Variants in VPS13C observed in about 807,000 individuals in gnomAD.
The protein encoded by VPS13C is intermembrane lipid transfer protein VPS13C.
VPS13C carries 358 observed loss-of-function variants against 456.8 expected under a neutral mutation model. The ratio of observed to expected loss-of-function variants is 0.78; its 90% CI spans 0.72 to 0.86. The LOEUF (loss-of-function observed/expected upper bound fraction) is 0.86. Among genes scored for constraint, VPS13C ranks in the 40% least tolerant of loss-of-function variants. The probability of loss-of-function intolerance (pLI) is 0.00; values close to 1 mark genes in which losing one functional copy is unlikely to be tolerated. For synonymous variants in VPS13C, 1,578 were observed against 1,486.7 expected (o/e 1.06, Z -1.41); for missense variants, 4,818 against 4,385.4 (o/e 1.10, Z -2.79).
chr15:61,913,197 C>A lies in VPS13C; in HGVS notation c.8550+114G>T, dbSNP rs928842030. 67 of 914,202 alleles carry A rather than the reference C, an allele frequency of 7.3e-5. 1 individual carries two copies. The East Asian group carries it at 1.6e-3, about 22-fold the overall frequency. The allele number at this position is 914,202 out of a possible 1,614,324, so 56.6% of individuals were successfully genotyped here. A position where few individuals can be genotyped will look rare whatever the true frequency, so the allele number is the denominator to read the frequency against. ...CATTACTGGGTATATACCCAAAGGA[C>A]TATAAATCATGCTGCTATAAAGACA... On this transcript the variant is annotated intron_variant, in intron 62 of 84. Coordinates refer to ENST00000644861, the MANE Select transcript of VPS13C (RefSeq NM_020821.3).
rs767939562 is a variant in VPS13C at position 61,890,300 on chromosome 15, G to A, written c.9206C>T (p.Ala3069Val). The change falls in exon 67 of 85, where the codon GCC becomes GTC. Residue 3069 changes from alanine (A) to valine (V), a missense_variant. Physicochemically the swap from Ala to Val is moderately conservative, Grantham distance 64. Transcript: ENST00000644861. ...TGCCTGCAGTGCTTTGGAAACCAAG[G>A]CAACATCATCGGTGAAAAGCAAAAC... Reference protein sequence around the residue: ...QRVLLFTDDVALVSKALQAEE... With the variant: ...QRVLLFTDDVVLVSKALQAEE... The A allele has an allele frequency of 5.0e-6, 8 of 1,614,004 alleles. No homozygotes were observed. Among genetic ancestry groups the A allele is most frequent in the South Asian group, 3.3e-5 (3 of 91,056 alleles).
At chr15:62,032,714 T>G (rs1318002557) in intron 5 of VPS13C, among the ~76,000 whole-genome samples, 1 of 151,790 alleles carries the variant, frequency 6.6e-6, no homozygotes, top group African/African-American at 2.4e-5. Flanking sequence ...CATAAAAATA[T>G]ATACACATGC....
intron 79 of VPS13C, among the ~76,000 whole-genome samples, chr15:61,870,764 T>A (rs1894962674): frequency 6.6e-6 from 1 of 152,158 alleles, no homozygotes; most frequent in Admixed American, 6.5e-5. Context: ...TGTATGAGGG[T>A]TCCAATTTCT....
chr15:62,012,219 C>G, intron 11 of VPS13C, 55 bp from the exon 12 acceptor site: 6 of 781,616 alleles, frequency 7.7e-6, no homozygotes, highest in Non-Finnish European at 1.3e-5. Flanking sequence ...TATTCAGACT[C>G]AGACACACAC....
At chr15:62,024,907 C>T (rs1003043472) in intron 6 of VPS13C, among the ~76,000 whole-genome samples, 7 of 152,190 alleles carry the variant, frequency 4.6e-5, no homozygotes, top group South Asian at 2.1e-4. Flanking sequence ...CTTCACCAGG[C>T]GAACTCCTAG....
chr15:62,023,452 G>T lies in VPS13C; in HGVS notation c.583C>A (p.Gln195Lys), dbSNP rs201593231. 1.1e-4 allele frequency: 180 copies of T among 1,574,436 alleles called. No individual in the cohort carries two copies. Among genetic ancestry groups the T allele is most frequent in the Admixed American group, 6.0e-4 (32 of 53,572 alleles). Residue 195 changes from glutamine (Q) to lysine (K), a missense_variant, in exon 8 of 85, where the codon CAA becomes AAA. Physicochemically the swap from Gln to Lys is moderately conservative, Grantham distance 53. Around this residue, in one of 3 missense-constraint regions of VPS13C, gnomAD observed 4,552 missense variants for 4,130.6 expected, o/e 1.10. Coordinates refer to ENST00000644861, the MANE Select transcript of VPS13C (RefSeq NM_020821.3). ...ATGTGAATATCTGTGATTTTTACTT[G>T]TACATTTTTTATTACTTGAGTTGCC... is the stretch of plus-strand genomic sequence containing the variant. ...KLATQVIKNV[Q>K]VKITDIHIKY...
chr15:61,868,706 T>C lies in VPS13C; in HGVS notation c.10816A>G (p.Ile3606Val). Residue 3606 changes from isoleucine to valine, a missense_variant, in exon 81 of 85, where the codon ATT becomes GTT. By Grantham distance (29) the Ile-to-Val change is conservative (BLOSUM62 3). Transcript: ENST00000644861. ...PPRLIHEDGI[I>V]RPYDRQESEG... The stretch of plus-strand genomic sequence containing the variant: ...GATTCCTGTCTGTCATAAGGACGAA[T>C]GATGCCATCTTCATGGATCAGGCGA... 6.2e-7 allele frequency: 1 copy of C among 1,614,162 alleles called. No homozygotes were observed. Among genetic ancestry groups the C allele is most frequent in the Non-Finnish European group, 8.5e-7 (1 of 1,180,026 alleles).
chr15:62,000,747 T>C, intron 15 of VPS13C, 121 bp from the exon 16 acceptor site: 1 of 691,196 alleles, frequency 1.4e-6, no homozygotes, highest in Non-Finnish European at 2.2e-6. Context: ...ATGAAAGTAT[T>C]AGTATAAATT....
At chr15:61,964,618 C>T in intron 31 of VPS13C, 81 bp downstream of exon 31, 1 of 1,313,532 alleles carries the variant, frequency 7.6e-7, no homozygotes, top group Non-Finnish European at 1.0e-6. Flanking sequence ...ATGACTGAGT[C>T]AGATAGTCTC....
intron 64 of VPS13C, among the ~76,000 whole-genome samples, chr15:61,909,505 C>A (rs2043241036): frequency 6.6e-6 from 1 of 152,194 alleles, no homozygotes; most frequent in African/African-American, 2.4e-5. Context: ...CTGCACCCGG[C>A]CTGTTTCCTT....
chr15:62,044,128 A>G lies in VPS13C; in HGVS notation c.144+84T>C, dbSNP rs28755831. ...GTGATTCCATCACTTTATCTAGTAC[A>G]TGGTATCAGATGCCTAGTAGGCAAA... On this transcript the variant is annotated intron_variant, in intron 2 of 84. Coordinates refer to ENST00000644861, the MANE Select transcript of VPS13C (RefSeq NM_020821.3). 191 of 862,734 alleles carry G rather than the reference A, an allele frequency of 2.2e-4. No homozygotes were observed. In the African/African-American group the frequency reaches 2.5e-3, roughly 11 times the overall value. The allele number at this position is 862,734 out of a possible 1,614,324, so 53.4% of individuals were successfully genotyped here. A position where few individuals can be genotyped will look rare whatever the true frequency, so the allele number is the denominator to read the frequency against.
chr15:61,932,504 TTC>T (rs975611296), intron 49 of VPS13C, among the ~76,000 whole-genome samples: 1 of 151,728 alleles, frequency 6.6e-6, no homozygotes, highest in African/African-American at 2.4e-5. Context: ...TAATTCCAAA[TTC>T]TCTCAGTATG....
At chr15:61,997,947 C>T (rs1873585774) in intron 16 of VPS13C, among the ~76,000 whole-genome samples, 2 of 152,142 alleles carry the variant, frequency 1.3e-5, no homozygotes, top group Admixed American at 6.5e-5. Context: ...TTTCCCAATT[C>T]AGAGTAAGAG....
At position 61,903,173 on chromosome 15, in the gene VPS13C, C is replaced by G. The variant is rs560186541; in HGVS notation, c.9105+4091G>C. Among the ~76,000 whole-genome samples, 6 of 151,442 alleles carry G rather than the reference C, an allele frequency of 4.0e-5. No individual in the cohort carries two copies. The South Asian group carries it at 1.3e-3, about 32-fold the overall frequency. On this transcript the variant is annotated intron_variant, in intron 66 of 84. Transcript: ENST00000644861. ...AAACTCCGTCTCTACAGAAAAAAAA[C>G]AAAAACAAAAACAAAAACGCTGGGC...
intron 27 of VPS13C, among the ~76,000 whole-genome samples, chr15:61,970,395 T>C (rs2140346512): frequency 6.6e-6 from 1 of 152,300 alleles, no homozygotes; most frequent in African/African-American, 2.4e-5. Flanking sequence ...GCTATTTAAC[T>C]TGATAGGCAG....
intron 1 of VPS13C, among the ~76,000 whole-genome samples, chr15:62,048,347 T>C (rs986424238): frequency 3.5e-5 from 5 of 142,326 alleles, no homozygotes; most frequent in African/African-American, 1.3e-4. Flanking sequence ...AGTGAGAACA[T>C]GTGGTGTTTG....
chr15:61,960,157 C>T (rs970701690), intron 35 of VPS13C, among the ~76,000 whole-genome samples: 8 of 152,102 alleles, frequency 5.3e-5, no homozygotes, highest in Non-Finnish European at 1.2e-4. Flanking sequence ...AAATAATTTA[C>T]ACAACATGCC....
chr15:62,048,787 A>T (rs1484356901), intron 1 of VPS13C, among the ~76,000 whole-genome samples: 2 of 152,042 alleles, frequency 1.3e-5, no homozygotes, highest in East Asian at 3.9e-4. Flanking sequence ...CTTTTTAATG[A>T]TCGCCATTCT....
At chr15:61,977,582 A>T (rs933239720) in intron 23 of VPS13C, among the ~76,000 whole-genome samples, 1 of 151,554 alleles carries the variant, frequency 6.6e-6, no homozygotes, top group Admixed American at 6.6e-5. Flanking sequence ...AAAGAAAAAG[A>T]AGTATGGGGT....
Sources: gnomAD v4.1 joint callset for allele counts (sites outside exome capture counted in the v4.1 genomes callset) on GRCh38, gnomAD v4.1.1 for gene constraint, gnomAD v4.1.1 regional missense constraint, MANE v1.5 for transcripts, NCBI Gene and HGNC (gene_info 2026-07-23, HGNC 2026-07-21) for gene names.